PLXNA4: variants seen among roughly 807,000 people sequenced by gnomAD.
The protein encoded by PLXNA4 is plexin-A4.
A neutral mutation model predicts 191.8 loss-of-function variants in PLXNA4; 44 were observed. The observed-to-expected ratio is 0.23, with a 90% CI of 0.18 to 0.29. The LOEUF (loss-of-function observed/expected upper bound fraction) is 0.29. Ranked by LOEUF, PLXNA4 falls within the 10% of genes least tolerant of loss-of-function variation. PLXNA4 has a pLI of 1.00. For missense variants in PLXNA4, 1,800 were observed against 2,488.8 expected, an observed-to-expected ratio of 0.72 and a Z score of 5.89; for synonymous variants, 1,082 against 1,009.5, an observed-to-expected ratio of 1.07 and a Z score of -1.36.
Position 132,507,318 on chromosome 7 carries a change from T to C in PLXNA4, c.1188+188A>G, listed in dbSNP as rs145125908. ...GTTTCAGCTCCCACTCTGACTCTTA[T>C]ACATTCAATGTCATAGTTGCAGAAT... On this transcript the variant is annotated intron_variant, in intron 2 of 31. Transcript: ENST00000321063. Among the ~76,000 whole-genome samples the C allele has an allele frequency of 1.3e-3, 201 of 152,352 alleles. 2 individuals carry two copies. Among genetic ancestry groups the C allele is most frequent in the African/African-American group, 4.5e-3 (187 of 41,580 alleles).
intron 5 of PLXNA4, among the ~76,000 whole-genome samples, chr7:132,229,284 G>A (rs1584874223): frequency 6.6e-6 from 1 of 152,182 alleles, no homozygotes; most frequent in African/African-American, 2.4e-5. Context: ...AGTGTATGGT[G>A]TCACAAGTGG....
At chr7:132,164,544 G>C (rs942172039) in intron 23 of PLXNA4, among the ~76,000 whole-genome samples, 1 of 152,020 alleles carries the variant, frequency 6.6e-6, no homozygotes, top group Non-Finnish European at 1.5e-5. Context: ...CCTCTCCAGG[G>C]CTCTTTCTTC....
chr7:132,464,837 C>G (rs1218465527), intron 3 of PLXNA4, among the ~76,000 whole-genome samples: 1 of 152,214 alleles, frequency 6.6e-6, no homozygotes, highest in Non-Finnish European at 1.5e-5. Flanking sequence ...CAGCACCTGT[C>G]TACAAAAAGA....
At chr7:132,437,899 G>C (rs562806371) in intron 3 of PLXNA4, among the ~76,000 whole-genome samples, 2 of 152,332 alleles carry the variant, frequency 1.3e-5, no homozygotes, top group Admixed American at 1.3e-4. Flanking sequence ...CTGAGAAAGA[G>C]AGGTGAAGAG....
chr7:132,293,834 A>G (rs574582916), intron 4 of PLXNA4, among the ~76,000 whole-genome samples: 1 of 152,312 alleles, frequency 6.6e-6, no homozygotes, highest in Non-Finnish European at 1.5e-5. Context: ...TACAGGTGCT[A>G]GTATGTTTCA....
At chr7:132,547,902 C>T (rs1244918682) in intron 1 of PLXNA4, among the ~76,000 whole-genome samples, 2 of 152,210 alleles carry the variant, frequency 1.3e-5, no homozygotes, top group African/African-American at 4.8e-5. Context: ...TTTGTAGCCA[C>T]AACTACAGAT....
At chr7:132,270,755 G>T (rs141688745) in intron 4 of PLXNA4, among the ~76,000 whole-genome samples, 2 of 152,294 alleles carry the variant, frequency 1.3e-5, no homozygotes, top group Non-Finnish European at 2.9e-5. Context: ...CAGAACCAAA[G>T]AATTTTATCA....
chr7:132,509,091 C>T (rs1798606367), intron 1 of PLXNA4, among the ~76,000 whole-genome samples: 2 of 149,144 alleles, frequency 1.3e-5, no homozygotes, highest in African/African-American at 4.9e-5. Flanking sequence ...GTGTCAGACA[C>T]TGTCCAGCAC....
At chr7:132,247,127 G>C (rs1053597796) in intron 4 of PLXNA4, among the ~76,000 whole-genome samples, 1 of 152,080 alleles carries the variant, frequency 6.6e-6, no homozygotes, top group East Asian at 1.9e-4. Flanking sequence ...CTGGCAATAG[G>C]GTCTCACTCT....
At chr7:132,210,853 AG>A (rs1408691482) in intron 10 of PLXNA4, 89 bp downstream of exon 10, 3 of 1,418,698 alleles carry the variant, frequency 2.1e-6, no homozygotes, top group Non-Finnish European at 2.9e-6. Context: ...AAACGACTGC[AG>A]GGCTGAGCTG....
intron 2 of PLXNA4, among the ~76,000 whole-genome samples, chr7:132,630,917 T>C (rs1803480236): frequency 6.6e-6 from 1 of 152,234 alleles, no homozygotes; most frequent in South Asian, 2.1e-4. Flanking sequence ...AATGACATTG[T>C]TAAACTGCAA....
chr7:132,170,414 A>G (rs1360835563), intron 21 of PLXNA4, among the ~76,000 whole-genome samples: 1 of 152,182 alleles, frequency 6.6e-6, no homozygotes, highest in African/African-American at 2.4e-5. Flanking sequence ...GTAAACTGAA[A>G]GGAGAGGGGG....
At chr7:132,535,659 A>G (rs1224895086) in intron 1 of PLXNA4, among the ~76,000 whole-genome samples, 1 of 151,956 alleles carries the variant, frequency 6.6e-6, no homozygotes, top group African/African-American at 2.4e-5. Flanking sequence ...GGAAAGTGTG[A>G]CCCCGAGAGA....
At chr7:132,463,140 C>A (rs188981308) in intron 3 of PLXNA4, among the ~76,000 whole-genome samples, 3 of 151,990 alleles carry the variant, frequency 2.0e-5, no homozygotes, top group Non-Finnish European at 2.9e-5. Flanking sequence ...CGTGAGCCAT[C>A]GCGCCCAGCC....
chr7:132,151,351 GAAGAAGGAGGAGGAGGAGA>G (rs1795608947), intron 25 of PLXNA4, among the ~76,000 whole-genome samples: 5 of 61,244 alleles, frequency 8.2e-5, no homozygotes, highest in South Asian at 7.3e-4. Flanking sequence ...GGAGGAGGAA[GAAGAAGGAGGAGGAGGAGA>G]AAGGAGGAGG....
At chr7:132,209,991 A>G (rs1797743732) in intron 10 of PLXNA4, among the ~76,000 whole-genome samples, 2 of 152,186 alleles carry the variant, frequency 1.3e-5, no homozygotes, top group Non-Finnish European at 2.9e-5. Context: ...TCTAAGGCCT[A>G]TGTATCTAAG....
chr7:132,179,652 A>T, intron 20 of PLXNA4, 35 bp downstream of exon 20: 1 of 1,601,032 alleles, frequency 6.2e-7, no homozygotes, highest in Admixed American at 1.7e-5. Context: ...ACACACGCAC[A>T]CACACATGGC....
At chr7:132,590,121 C>A (rs1462791339) in intron 2 of PLXNA4, among the ~76,000 whole-genome samples, 1 of 152,184 alleles carries the variant, frequency 6.6e-6, no homozygotes, top group Non-Finnish European at 1.5e-5. Flanking sequence ...TTAGGAAAAT[C>A]TATTGTAGCT....
At chr7:132,306,384 A>C (rs1801523654) in intron 3 of PLXNA4, among the ~76,000 whole-genome samples, 2 of 152,240 alleles carry the variant, frequency 1.3e-5, no homozygotes, top group African/African-American at 2.4e-5. Flanking sequence ...AGCTGTCCTG[A>C]GTCTCTCTCC....
Sources: allele counts gnomAD v4.1 joint callset (sites outside exome capture counted in the v4.1 genomes callset), GRCh38; gene constraint gnomAD v4.1.1; transcripts MANE v1.5; gene names NCBI Gene and HGNC (gene_info 2026-07-23, HGNC 2026-07-21).